NHS: variants seen among roughly 807,000 people sequenced by gnomAD.
NHS encodes the protein actin remodeling regulator NHS.
NHS carries 5 observed loss-of-function variants against 72.5 expected under a neutral mutation model. That is an observed-to-expected ratio of 0.07 (90% CI 0.04 to 0.14). The LOEUF is 0.14. NHS is among the 10% of genes least tolerant of loss of function. The probability of loss-of-function intolerance (pLI) is 1.00; values close to 1 mark genes in which losing one functional copy is unlikely to be tolerated. For missense variants in NHS, 1,072 were observed against 1,355.7 expected (o/e 0.79, Z 3.29); for synonymous variants, 464 against 547.7 (o/e 0.85, Z 2.13).
chrX:17,584,729 C>T (rs1033444864), intron 1 of NHS, among the ~76,000 whole-genome samples: 8 of 111,465 alleles, frequency 7.2e-5, no homozygotes, highest in African/African-American at 2.6e-4. Context: ...TTGAGGTCCC[C>T]TTTTTCAATA....
chrX:17,475,512 C>T (rs1031071686), intron 1 of NHS, among the ~76,000 whole-genome samples: 1 of 111,868 alleles, frequency 8.9e-6, no homozygotes, highest in Non-Finnish European at 1.9e-5. Context: ...TCTGGTTGTT[C>T]TGTTTCCCGT....
At chrX:17,647,980 CTT>C (rs5901622) in intron 1 of NHS, among the ~76,000 whole-genome samples, 185 of 104,815 alleles carry the variant, frequency 1.8e-3, no homozygotes, top group African/African-American at 6.2e-3. Flanking sequence ...AAGGATTTAC[CTT>C]TTTTTTTTTT....
intron 1 of NHS, among the ~76,000 whole-genome samples, chrX:17,475,551 G>A (rs1311879989): frequency 8.9e-6 from 1 of 111,739 alleles, no homozygotes; most frequent in Non-Finnish European, 1.9e-5. Flanking sequence ...GGACAAATTT[G>A]CATCTTAGTA....
intron 1 of NHS, among the ~76,000 whole-genome samples, chrX:17,442,201 T>C (rs1328332914): frequency 8.9e-6 from 1 of 112,604 alleles, no homozygotes; most frequent in Non-Finnish European, 1.9e-5. Flanking sequence ...CTAAAGTCTT[T>C]GTGGTGTAGC....
chrX:17,453,167 C>T (rs2064812824), intron 1 of NHS, among the ~76,000 whole-genome samples: 1 of 110,663 alleles, frequency 9.0e-6, no homozygotes, highest in African/African-American at 3.3e-5. Context: ...TGGCTGTTGA[C>T]ATACAGTCTC....
chrX:17,502,628 A>C lies in NHS; in HGVS notation c.565+126306A>C, dbSNP rs1396666157. Among the ~76,000 whole-genome samples the C allele has an allele frequency of 9.4e-5, 4 of 42,528 alleles. 1 individual carries two copies. The highest frequency in any genetic ancestry group is 2.2e-4 in the Admixed American group (1 of 4,621). The allele number at this position is 42,528 out of a possible 115,157, so 36.9% of individuals were successfully genotyped here. A position where few individuals can be genotyped will look rare whatever the true frequency, so the allele number is the denominator to read the frequency against. ...CACGGTGAAACCCCGTCTCTACTAA[A>C]AATACAAAAAATTAGCCGGGCGTGG... is the stretch of plus-strand genomic sequence containing the variant. On this transcript the variant is annotated intron_variant, in intron 1 of 8. Coordinates refer to ENST00000676302, the MANE Select transcript of NHS (RefSeq NM_001291867.2).
At chrX:17,694,367 A>T (rs2066214950) in intron 3 of NHS, among the ~76,000 whole-genome samples, 1 of 112,693 alleles carries the variant, frequency 8.9e-6, no homozygotes, top group African/African-American at 3.2e-5. Context: ...ACAAGACTGT[A>T]TATTGCTGAA....
chrX:17,655,713 C>T (rs1293613447), intron 1 of NHS, among the ~76,000 whole-genome samples: 1 of 112,803 alleles, frequency 8.9e-6, no homozygotes, highest in Non-Finnish European at 1.9e-5. Flanking sequence ...ACAAGGCTCT[C>T]GATCCCAGCG....
In NHS at chrX:17,561,574, G is replaced by GCGCACACACACA. The variant is rs879101977; in HGVS notation, c.566-126167_566-126166insGCACACACACAC. 1.5e-3 allele frequency among the ~76,000 whole-genome samples: 95 copies of GCGCACACACACA among 65,399 alleles called. 1 individual carries two copies. Among genetic ancestry groups the GCGCACACACACA allele is most frequent in the East Asian group, 5.3e-3 (9 of 1,707 alleles). 56.8% of individuals were successfully genotyped at this position (65,399 alleles called of 115,157 possible). Reference sequence around the variant, plus strand: ...CAAGTGCATGCGCGCGCGCGCGCGCGCACACACACACACACACACACACAC... The same window carrying GCGCACACACACA: ...CAAGTGCATGCGCGCGCGCGCGCGCGCGCACACACACACACACACACACACACACACACACAC... On this transcript the variant is annotated intron_variant, in intron 1 of 8. Coordinates refer to ENST00000676302, the MANE Select transcript of NHS (RefSeq NM_001291867.2).
intron 1 of NHS, among the ~76,000 whole-genome samples, chrX:17,490,590 T>C (rs1311781765): frequency 8.9e-6 from 1 of 112,398 alleles, no homozygotes; most frequent in Non-Finnish European, 1.9e-5. Flanking sequence ...TTTCTTAGGA[T>C]TGTCTTGACT....
At position 17,725,729 on chromosome X, in the gene NHS, C is replaced by T. The variant is rs1313494475; in HGVS notation, c.1623C>T (p.Thr541=). ...GESFVGDHER[T]PNDFSEAPSS... ...CTTTTGTGGGTGACCATGAAAGAACCCCTAATGATTTCAGTGAGGCTCCAA... is the reference window on the plus strand; with the variant it reads ...CTTTTGTGGGTGACCATGAAAGAACTCCTAATGATTTCAGTGAGGCTCCAA... Residue 541 remains threonine, a synonymous_variant, in exon 7 of 9, where the codon ACC becomes ACT. Coordinates refer to ENST00000676302, the MANE Select transcript of NHS (RefSeq NM_001291867.2). 3 of 1,208,981 alleles carry T rather than the reference C, an allele frequency of 2.5e-6. No individual in the cohort carries two copies. The highest frequency in any genetic ancestry group is 3.5e-5 in the African/African-American group (2 of 56,780).
Position 17,726,936 on chromosome X carries a change from C to T in NHS, c.2830C>T (p.His944Tyr), listed in dbSNP as rs1270777763. 1 of 1,212,099 alleles carries T rather than the reference C, an allele frequency of 8.3e-7. No homozygotes were observed. Among genetic ancestry groups the T allele is most frequent in the Non-Finnish European group, 1.1e-6 (1 of 895,594 alleles). The change falls in exon 7 of 9, where the codon CAC becomes TAC. Residue 944 changes from histidine to tyrosine, a missense_variant. Physicochemically the swap from His to Tyr is moderately conservative, Grantham distance 83. Coordinates refer to ENST00000676302, the MANE Select transcript of NHS (RefSeq NM_001291867.2). ...PFKDEVAESTHYADLWLLNDL... is the reference protein window; with the variant it reads ...PFKDEVAESTYYADLWLLNDL... ...CAAAGATGAAGTTGCCGAATCCACA[C>T]ACTATGCAGACCTCTGGCTCCTAAA...
At chrX:17,455,901 T>C (rs1462813004) in intron 1 of NHS, among the ~76,000 whole-genome samples, 1 of 111,508 alleles carries the variant, frequency 9.0e-6, no homozygotes, top group Non-Finnish European at 1.9e-5. Context: ...TCTTGAACCA[T>C]GGACTGCAAG....
chrX:17,537,848 C>T (rs867983525), intron 1 of NHS, among the ~76,000 whole-genome samples: 23 of 111,748 alleles, frequency 2.1e-4, no homozygotes, highest in Middle Eastern at 4.6e-3. Flanking sequence ...AGACAATGCC[C>T]GACTGGAGGC....
At chrX:17,404,685 T>A (rs1315423294) in intron 1 of NHS, among the ~76,000 whole-genome samples, 1 of 110,996 alleles carries the variant, frequency 9.0e-6, no homozygotes, top group Non-Finnish European at 1.9e-5. Flanking sequence ...TTCCTTCTTA[T>A]ACGCCAAGCT....
intron 1 of NHS, among the ~76,000 whole-genome samples, chrX:17,530,690 A>C (rs1350092182): frequency 8.9e-6 from 1 of 112,318 alleles, no homozygotes; most frequent in Non-Finnish European, 1.9e-5. Context: ...TTGTTTCAAC[A>C]ATCCTATTAA....
intron 1 of NHS, among the ~76,000 whole-genome samples, chrX:17,445,144 G>A (rs1259883619): frequency 3.0e-5 from 3 of 101,432 alleles, no homozygotes; most frequent in Non-Finnish European, 4.1e-5. Flanking sequence ...AGGGCACATC[G>A]AGCATTTCAT....
At chrX:17,523,697 T>C (rs1158732416) in intron 1 of NHS, among the ~76,000 whole-genome samples, 1 of 33,842 alleles carries the variant, frequency 3.0e-5, no homozygotes, top group Non-Finnish European at 5.1e-5. Context: ...TCCCTGCTTG[T>C]GTTTCTTGGC....
chrX:17,391,162 C>G (rs2064443665), intron 1 of NHS, among the ~76,000 whole-genome samples: 1 of 111,859 alleles, frequency 8.9e-6, no homozygotes, highest in South Asian at 3.9e-4. Flanking sequence ...CTGGTTGGAT[C>G]AAGCTTTGCA....
Sources: gnomAD v4.1 joint callset for allele counts (sites outside exome capture counted in the v4.1 genomes callset) on GRCh38, gnomAD v4.1.1 for gene constraint, MANE v1.5 for transcripts, NCBI Gene and HGNC (gene_info 2026-07-23, HGNC 2026-07-21) for gene names.